The following TRABD2B variants were observed in gnomAD, a reference collection of about 807,000 sequenced individuals.
TRABD2B encodes the protein metalloprotease TIKI2.
Under a neutral mutation model 40.1 loss-of-function variants are expected in TRABD2B, and 14 were observed. The ratio of observed to expected loss-of-function variants is 0.35; its 90% CI spans 0.23 to 0.55. The LOEUF (loss-of-function observed/expected upper bound fraction) is 0.55. Ranked by LOEUF, TRABD2B falls within the 20% of genes least tolerant of loss-of-function variation. TRABD2B has a pLI of 0.90. For missense variants in TRABD2B, 541 were observed against 648.6 expected (o/e 0.83, Z 1.80); for synonymous variants, 263 against 277.0 (o/e 0.95, Z 0.50).
intron 2 of TRABD2B, among the ~76,000 whole-genome samples, chr1:47,906,916 A>G (rs1448312715): frequency 6.6e-6 from 1 of 152,246 alleles, no homozygotes; most frequent in African/African-American, 2.4e-5. Flanking sequence ...CCCCTCCGGC[A>G]ATAGGCACAA....
At chr1:47,976,727 T>C (rs970230595) in intron 2 of TRABD2B, among the ~76,000 whole-genome samples, 17 of 152,202 alleles carry the variant, frequency 1.1e-4, no homozygotes, top group African/African-American at 2.9e-4. Flanking sequence ...GGAATTCTTT[T>C]CTTTTGCATA....
chr1:47,968,902 A>C (rs528338712), intron 2 of TRABD2B, among the ~76,000 whole-genome samples: 2 of 152,324 alleles, frequency 1.3e-5, no homozygotes, highest in South Asian at 4.1e-4. Flanking sequence ...ACTCCCTGAC[A>C]GTAGAGTAGG....
chr1:47,797,443 C>T (rs1644763433), intron 3 of TRABD2B, among the ~76,000 whole-genome samples: 1 of 152,122 alleles, frequency 6.6e-6, no homozygotes, highest in Admixed American at 6.5e-5. Flanking sequence ...GTCCACTTCC[C>T]CTCTCCTTCC....
At chr1:47,811,560 C>G (rs1247266170) in intron 2 of TRABD2B, among the ~76,000 whole-genome samples, 1 of 152,190 alleles carries the variant, frequency 6.6e-6, no homozygotes, top group East Asian at 1.9e-4. Flanking sequence ...CTCATAAATC[C>G]GGAGCCACCC....
intron 2 of TRABD2B, among the ~76,000 whole-genome samples, chr1:47,933,527 G>A (rs1645068512): frequency 4.6e-5 from 7 of 152,120 alleles, no homozygotes. Flanking sequence ...ATATCTTTGG[G>A]AATGCTCTCC....
At chr1:47,773,511 C>T (rs139242891) in intron 6 of TRABD2B, among the ~76,000 whole-genome samples, 330 of 152,342 alleles carry the variant, frequency 2.2e-3, no homozygotes, top group African/African-American at 7.7e-3. Context: ...ATCATGGGGG[C>T]GGTTTCCCAC....
chr1:47,926,972 T>G (rs1455553005), intron 2 of TRABD2B, among the ~76,000 whole-genome samples: 1 of 152,232 alleles, frequency 6.6e-6, no homozygotes, highest in East Asian at 1.9e-4. Flanking sequence ...AACAAGTCCA[T>G]GCAGCATACA....
chr1:47,924,128 C>T (rs1360620258), intron 2 of TRABD2B, among the ~76,000 whole-genome samples: 1 of 152,050 alleles, frequency 6.6e-6, no homozygotes, highest in African/African-American at 2.4e-5. Context: ...GAAGTTTTCA[C>T]TCTGCCACGG....
At chr1:47,916,511 T>G (rs549190496) in intron 2 of TRABD2B, among the ~76,000 whole-genome samples, 1 of 152,224 alleles carries the variant, frequency 6.6e-6, no homozygotes, top group African/African-American at 2.4e-5. Context: ...ACCAGGTCAG[T>G]CAAGGAAGGC....
chr1:47,796,185 G>A (rs1269014315), intron 3 of TRABD2B, among the ~76,000 whole-genome samples: 2 of 152,176 alleles, frequency 1.3e-5, no homozygotes, highest in Non-Finnish European at 2.9e-5. Context: ...TGCACATGGG[G>A]CTGTTGAGGA....
chr1:47,979,373 C>T (rs1645807598), intron 2 of TRABD2B, among the ~76,000 whole-genome samples: 1 of 152,348 alleles, frequency 6.6e-6, no homozygotes, highest in Non-Finnish European at 1.5e-5. Flanking sequence ...AGGAGACAGA[C>T]ATGTGAACAT....
chr1:47,995,762 A>C (rs368755070), intron 1 of TRABD2B, among the ~76,000 whole-genome samples: 1 of 152,306 alleles, frequency 6.6e-6, no homozygotes, highest in Non-Finnish European at 1.5e-5. Context: ...TTACTTTACT[A>C]ACAACCCCAA....
chr1:47,804,496 T>G (rs891751227), intron 2 of TRABD2B, among the ~76,000 whole-genome samples: 3 of 152,196 alleles, frequency 2.0e-5, no homozygotes, highest in Non-Finnish European at 4.4e-5. Flanking sequence ...CGGCGTCGGC[T>G]TGGCCAAGAC....
chr1:47,954,766 T>C (rs1043558319), intron 2 of TRABD2B, among the ~76,000 whole-genome samples: 6 of 152,160 alleles, frequency 3.9e-5, no homozygotes, highest in African/African-American at 1.4e-4. Context: ...GAAGTTGCAC[T>C]CTTTTTGCTT....
intron 2 of TRABD2B, among the ~76,000 whole-genome samples, chr1:47,993,285 T>C (rs1646039165): frequency 6.6e-6 from 1 of 152,204 alleles, no homozygotes; most frequent in Non-Finnish European, 1.5e-5. Context: ...CCTCTGCCCA[T>C]GGAGAAGGGG....
At chr1:47,918,461 C>G (rs1570284543) in intron 2 of TRABD2B, among the ~76,000 whole-genome samples, 1 of 152,208 alleles carries the variant, frequency 6.6e-6, no homozygotes, top group Non-Finnish European at 1.5e-5. Context: ...TGTCCAAGAT[C>G]ACATAGCTAG....
At chr1:47,793,275 G>T (rs1264388263) in intron 4 of TRABD2B, among the ~76,000 whole-genome samples, 1 of 152,182 alleles carries the variant, frequency 6.6e-6, no homozygotes, top group African/African-American at 2.4e-5. Flanking sequence ...CCACAGCAGA[G>T]ATCCTGCATG....
chr1:47,929,616 T>A (rs1279000091), intron 2 of TRABD2B, among the ~76,000 whole-genome samples: 1 of 152,204 alleles, frequency 6.6e-6, no homozygotes, highest in Non-Finnish European at 1.5e-5. Flanking sequence ...TGCCTTCTGA[T>A]CCACAAAACT....
intron 2 of TRABD2B, among the ~76,000 whole-genome samples, chr1:47,985,180 T>C (rs1233970941): frequency 6.6e-6 from 1 of 152,224 alleles, no homozygotes; most frequent in Non-Finnish European, 1.5e-5. Flanking sequence ...GTGCACTTAT[T>C]CTGGGAACTG....
Sources: allele counts gnomAD v4.1 joint callset (sites outside exome capture counted in the v4.1 genomes callset), GRCh38; gene constraint gnomAD v4.1.1; transcripts MANE v1.5; gene names NCBI Gene and HGNC (gene_info 2026-07-23, HGNC 2026-07-21).